ZNF41: variants seen among roughly 807,000 people sequenced by gnomAD.
ZNF41 encodes the protein zinc finger protein 41.
In ZNF41, 6 loss-of-function variants were observed where a neutral mutation model predicts 9.3. The ratio of observed to expected loss-of-function variants is 0.65; its 90% confidence interval spans 0.35 to 1.28. ZNF41 has a LOEUF of 1.28. ZNF41 is among the 50% of genes most tolerant of loss of function. The pLI, the probability that ZNF41 is intolerant of heterozygous loss-of-function variation, is 0.03. For synonymous variants in ZNF41, 192 were observed against 207.1 expected (o/e 0.93, Z 0.63); for missense variants, 523 against 585.8 (o/e 0.89, Z 1.11).
In ZNF41 at chrX:47,447,600, A is replaced by G. The variant is rs1234834051; in HGVS notation, c.2170T>C (p.Cys724Arg). The G allele has an allele frequency of 7.4e-6, 9 of 1,210,175 alleles. No individual in the cohort carries two copies. Among genetic ancestry groups the G allele is most frequent in the Non-Finnish European group, 6.7e-6 (6 of 895,295 alleles). ...TGERHYECSKCGKAFIQKATL... is the reference protein window; with the variant it reads ...TGERHYECSKRGKAFIQKATL... Reference sequence around the variant, plus strand: ...GCTTTCTGGATGAAAGCTTTCCCACATTTACTACATTCATAGTGTCTTTCT... The same window carrying G: ...GCTTTCTGGATGAAAGCTTTCCCACGTTTACTACATTCATAGTGTCTTTCT... The change falls in exon 5 of 5, where the codon TGT becomes CGT. Residue 724 changes from cysteine (C) to arginine (R), a missense_variant. Cys to Arg is a radical substitution (Grantham distance 180, BLOSUM62 -3). Transcript: ENST00000684689.
intron 2 of ZNF41, among the ~76,000 whole-genome samples, chrX:47,458,651 T>C (rs1224198401): frequency 1.8e-5 from 2 of 111,619 alleles, no homozygotes; most frequent in African/African-American, 6.5e-5. Context: ...AAAAATTATT[T>C]TGTATCTTGT....
intron 3 of ZNF41, 74 bp from the exon 4 acceptor site, chrX:47,456,090 T>C (rs1412257544): frequency 1.8e-6 from 2 of 1,102,039 alleles, no homozygotes; most frequent in African/African-American, 3.6e-5. Flanking sequence ...CACTTTCCCT[T>C]TGCTTTTCAG....
chrX:47,481,307 C>A (rs949473062), intron 1 of ZNF41, among the ~76,000 whole-genome samples: 1 of 110,934 alleles, frequency 9.0e-6, no homozygotes, highest in African/African-American at 3.3e-5. Flanking sequence ...GCTGGGCAAG[C>A]CTGCCTGTAG....
intron 1 of ZNF41, among the ~76,000 whole-genome samples, chrX:47,468,748 C>A (rs2057072680): frequency 9.0e-6 from 1 of 111,434 alleles, no homozygotes; most frequent in Non-Finnish European, 1.9e-5. Flanking sequence ...CCTGTGAATC[C>A]CAGACTTGCA....
At chrX:47,456,502 T>C in intron 2 of ZNF41, 104 bp from the exon 3 acceptor site, 1 of 1,114,399 alleles carries the variant, frequency 9.0e-7, no homozygotes, top group Non-Finnish European at 1.2e-6. Flanking sequence ...ATGTATCATG[T>C]AGGGTTTTCA....
chrX:47,478,035 T>C (rs1012870058), intron 1 of ZNF41, among the ~76,000 whole-genome samples: 1 of 112,332 alleles, frequency 8.9e-6, no homozygotes, highest in African/African-American at 3.2e-5. Context: ...ATGAAGTACT[T>C]CTAAAATAAA....
chrX:47,481,048 A>T (rs2147863867), intron 1 of ZNF41, among the ~76,000 whole-genome samples: 1 of 111,672 alleles, frequency 9.0e-6, no homozygotes, highest in Admixed American at 9.6e-5. Flanking sequence ...TTGGGAAATC[A>T]AAATCTCATA....
Position 47,445,541 on chromosome X carries a change from A to C in ZNF41, c.*1889T>G, listed in dbSNP as rs1286144453. ...CCAAATGTTGGCAAGTATGTGGAGC[A>C]CTAGAACTCGCATACTGGGTTGGTG... On this transcript the variant is annotated 3_prime_UTR_variant, in exon 5 of 5. Transcript: ENST00000684689. 8.9e-6 allele frequency among the ~76,000 whole-genome samples: 1 copy of C among 112,621 alleles called. No homozygotes were observed. Among genetic ancestry groups the C allele is most frequent in the Non-Finnish European group, 1.9e-5 (1 of 53,333 alleles).
rs2056274577 is a variant in ZNF41 at position 47,449,379 on chromosome X, A to G, written c.391T>C (p.Cys131Arg). The G allele has an allele frequency of 1.7e-5, 21 of 1,209,842 alleles. No individual in the cohort carries two copies. Among genetic ancestry groups the G allele is most frequent in the African/African-American group, 5.2e-5 (3 of 57,192 alleles). ...FDQPIGEDSL[C>R]SILEELWQDN... ...TGCCACAGTTCTTCTAAAATAGAAC[A>G]TAATGAATCTTCTCCTATGGGTTGA... Residue 131 changes from cysteine (C) to arginine (R), a missense_variant, in exon 5 of 5, where the codon TGT becomes CGT. Cys to Arg is a radical substitution (Grantham distance 180). Transcript: ENST00000684689.
In ZNF41 at chrX:47,461,705, G is replaced by A. The variant is rs368437528; in HGVS notation, c.73-5307C>T. ...ATTACAGGTGTGAGCCACTGTGCCT[G>A]GCCTCTTTTTTTACTTTTTTGAGAT... On this transcript the variant is annotated intron_variant, in intron 2 of 4. Transcript: ENST00000684689. 2.8e-5 allele frequency among the ~76,000 whole-genome samples: 3 copies of A among 108,931 alleles called. No homozygotes were observed. The East Asian group carries it at 8.8e-4, about 32-fold the overall frequency. The allele number at this position is 108,931 out of a possible 115,157, so 94.6% of individuals were successfully genotyped here. A position where few individuals can be genotyped will look rare whatever the true frequency, so the allele number is the denominator to read the frequency against.
At chrX:47,456,445 G>T (rs780763817) in intron 2 of ZNF41, 47 bp from the exon 3 acceptor site, 1 of 1,209,168 alleles carries the variant, frequency 8.3e-7, no homozygotes, top group South Asian at 1.8e-5. Flanking sequence ...AGCACTGGGG[G>T]ATGGAAGAAG....
At chrX:47,469,258 C>G (rs2057094707) in intron 1 of ZNF41, among the ~76,000 whole-genome samples, 1 of 88,784 alleles carries the variant, frequency 1.1e-5, no homozygotes, top group Admixed American at 1.4e-4. Context: ...TTGCAGTGAG[C>G]CGAGATCCCG....
intron 2 of ZNF41, among the ~76,000 whole-genome samples, chrX:47,457,497 G>C (rs566202186): frequency 1.8e-5 from 2 of 111,849 alleles, no homozygotes; most frequent in Admixed American, 1.9e-4. Context: ...GTTTATGTGA[G>C]AGAATAAGAC....
At chrX:47,466,818 C>A (rs1394641463) in intron 2 of ZNF41, among the ~76,000 whole-genome samples, 1 of 111,841 alleles carries the variant, frequency 8.9e-6, no homozygotes, top group Non-Finnish European at 1.9e-5. Context: ...CCGTGCCCGG[C>A]CATTTTATTC....
At chrX:47,455,193 C>T (rs55876711) in intron 4 of ZNF41, among the ~76,000 whole-genome samples, 2,617 of 108,486 alleles carry the variant, frequency 0.024, 46 homozygotes, top group Non-Finnish European at 0.032. Context: ...TGCAGTGAAA[C>T]GAGATCGTGC....
chrX:47,471,486 T>G (rs747184587), intron 1 of ZNF41, among the ~76,000 whole-genome samples: 1 of 110,416 alleles, frequency 9.1e-6, no homozygotes, highest in South Asian at 3.9e-4. Context: ...CTATCCTTTC[T>G]CCACTGCTCT....
At chrX:47,459,742 TAAAAA>T (rs768291943) in intron 2 of ZNF41, among the ~76,000 whole-genome samples, 2 of 16,159 alleles carry the variant, frequency 1.2e-4, no homozygotes, top group Non-Finnish European at 2.2e-4. Context: ...AGACCCTATC[TAAAAA>T]AAAAAAAAAA....
intron 1 of ZNF41, among the ~76,000 whole-genome samples, chrX:47,470,339 G>A (rs758041437): frequency 1.9e-5 from 2 of 105,813 alleles, no homozygotes; most frequent in South Asian, 8.6e-4. Context: ...TTGAACCCAG[G>A]AGGCGGAGGT....
At chrX:47,471,109 C>A (rs929517311) in intron 1 of ZNF41, among the ~76,000 whole-genome samples, 1 of 111,013 alleles carries the variant, frequency 9.0e-6, no homozygotes, top group Non-Finnish European at 1.9e-5. Flanking sequence ...AGTCAAGATT[C>A]ATTTCTTTCA....
Sources: allele counts gnomAD v4.1 joint callset (sites outside exome capture counted in the v4.1 genomes callset), GRCh38; gene constraint gnomAD v4.1.1; transcripts MANE v1.5; gene names NCBI Gene and HGNC (gene_info 2026-07-23, HGNC 2026-07-21).